The following DTHD1 variants were observed in gnomAD, a reference collection of about 807,000 sequenced individuals.
DTHD1 encodes the protein death domain-containing protein 1.
In DTHD1, 59 loss-of-function variants were observed where a neutral mutation model predicts 74.8. The observed-to-expected ratio is 0.79, with a 90% CI of 0.64 to 0.98. DTHD1 has a LOEUF of 0.98. Ranked by LOEUF, DTHD1 falls within the 50% of genes least tolerant of loss-of-function variation. DTHD1 has a pLI of 0.00. For synonymous variants in DTHD1, 365 were observed against 371.1 expected, an observed-to-expected ratio of 0.98 and a Z score of 0.19; for missense variants, 1,051 against 1,065.4, an observed-to-expected ratio of 0.99 and a Z score of 0.19.
intron 3 of DTHD1, among the ~76,000 whole-genome samples, chr4:36,292,755 C>T (rs926972029): frequency 2.6e-4 from 40 of 152,192 alleles, no homozygotes; most frequent in African/African-American, 9.2e-4. Flanking sequence ...TCCACGCATG[C>T]TGGGGCAGAG....
At chr4:36,339,075 C>A in intron 8 of DTHD1, 37 bp from the exon 9 acceptor site, 2 of 1,493,342 alleles carry the variant, frequency 1.3e-6, no homozygotes, top group South Asian at 2.5e-5. Context: ...AAATTAATTA[C>A]TTCTTCTGTT....
In DTHD1 at chr4:36,316,251, A is replaced by C; in HGVS notation, c.2105A>C (p.Lys702Thr). 1 of 1,549,864 alleles carries C rather than the reference A, an allele frequency of 6.5e-7. No individual in the cohort carries two copies. Among genetic ancestry groups the C allele is most frequent in the Non-Finnish European group, 8.7e-7 (1 of 1,146,592 alleles). Reference protein sequence around the residue: ...TGNIFASSNGKDYGKDYTLIF... With the variant: ...TGNIFASSNGTDYGKDYTLIF... Reference sequence around the variant, plus strand: ...TTTTACTTCTATTTAGGCAACGGGAAGGATTATGGAAAAGACTACACACTT... The same window carrying C: ...TTTTACTTCTATTTAGGCAACGGGACGGATTATGGAAAAGACTACACACTT... Residue 702 changes from lysine to threonine, a missense_variant, in exon 8 of 10, where the codon AAG (lysine) becomes ACG (threonine). Coordinates refer to ENST00000639862, the MANE Select transcript of DTHD1 (RefSeq NM_001170700.3).
intron 2 of DTHD1, among the ~76,000 whole-genome samples, chr4:36,289,801 G>A (rs1480846225): frequency 2.6e-5 from 4 of 151,820 alleles, no homozygotes; most frequent in Admixed American, 2.0e-4. Context: ...TTTTTTTGGG[G>A]ATTATAAGTA....
At chr4:36,332,046 C>T (rs1325631061) in intron 8 of DTHD1, among the ~76,000 whole-genome samples, 1 of 151,996 alleles carries the variant, frequency 6.6e-6, no homozygotes, top group African/African-American at 2.4e-5. Flanking sequence ...CTTTGGGAGG[C>T]CAAGATGGGC....
chr4:36,333,360 T>C (rs1758807369), intron 8 of DTHD1: 4 of 152,156 alleles, frequency 2.6e-5, no homozygotes, highest in Non-Finnish European at 4.4e-5. Flanking sequence ...AAAAAAGTTT[T>C]AATTAAAAAA....
intron 4 of DTHD1, among the ~76,000 whole-genome samples, chr4:36,294,288 A>G (rs1756260340): frequency 6.6e-6 from 1 of 151,910 alleles, no homozygotes; most frequent in Non-Finnish European, 1.5e-5. Context: ...CCAGTTGTTA[A>G]TGTAAGTGGT....
chr4:36,300,550 T>C (rs1270249308), intron 5 of DTHD1, among the ~76,000 whole-genome samples: 2 of 152,190 alleles, frequency 1.3e-5, no homozygotes, highest in Non-Finnish European at 2.9e-5. Flanking sequence ...AGAATTTGTA[T>C]CAAAAAATTC....
In DTHD1 at chr4:36,293,528, G is replaced by C; in HGVS notation, c.1221G>C (p.Gly407=). 6.5e-7 allele frequency: 1 copy of C among 1,536,810 alleles called. No individual in the cohort carries two copies. Among genetic ancestry groups the C allele is most frequent in the Non-Finnish European group, 8.8e-7 (1 of 1,137,518 alleles). The change falls in exon 4 of 10, where the codon GGG becomes GGC. Residue 407 remains glycine, a splice_region_variant and synonymous_variant. Coordinates refer to ENST00000639862, the MANE Select transcript of DTHD1 (RefSeq NM_001170700.3). ...TTAATGTTCTTTATTCTATACAGGG[G>C]ACCTGTGCTTCAGTAAAAGTTTACA... ...SLEGMKGGYK[G]TCASVKVYKL... is the part of the protein sequence containing the mutation.
chr4:36,283,620 T>C (rs1755523834), intron 1 of DTHD1, among the ~76,000 whole-genome samples: 1 of 152,140 alleles, frequency 6.6e-6, no homozygotes, highest in Admixed American at 6.5e-5. Context: ...AAAAGAAGAG[T>C]TCTCAAAATC....
chr4:36,282,270 T>A (rs576695247), intron 1 of DTHD1, among the ~76,000 whole-genome samples: 162 of 152,250 alleles, frequency 1.1e-3, no homozygotes, highest in Admixed American at 5.4e-3. Context: ...TTAAATCCCA[T>A]CTGTAGGGTG....
At chr4:36,311,208 T>C (rs1560802297) in intron 7 of DTHD1, 1 of 151,948 alleles carries the variant, frequency 6.6e-6, no homozygotes, top group East Asian at 1.9e-4. Flanking sequence ...TGGGGAAGAG[T>C]TCATCTTCAT....
At chr4:36,342,675 A>G (rs79158500) in intron 9 of DTHD1, among the ~76,000 whole-genome samples, 1,778 of 151,884 alleles carry the variant, frequency 0.012, 27 homozygotes, top group African/African-American at 0.041. Context: ...GAGTGTGTGT[A>G]TAGTTAGGGA....
Position 36,290,709 on chromosome 4 carries a change from T to C in DTHD1, c.1218+6T>C. The C allele has an allele frequency of 6.5e-7, 1 of 1,529,280 alleles. No individual in the cohort carries two copies. Among genetic ancestry groups the C allele is most frequent in the Non-Finnish European group, 8.8e-7 (1 of 1,141,426 alleles). The allele number at this position is 1,529,280 out of a possible 1,614,324, so 94.7% of individuals were successfully genotyped here. ...GAATGAAGGGAGGTTATAAGGTTAG[T>C]AAATTCTTGGCTATATCTACATTTG... is the stretch of plus-strand genomic sequence containing the variant. On this transcript the variant is annotated splice_donor_region_variant and intron_variant, in intron 3 of 9. Transcript: ENST00000639862.
intron 9 of DTHD1, 44 bp downstream of exon 9, chr4:36,339,213 C>T (rs1396178140): frequency 2.2e-6 from 3 of 1,348,546 alleles, no homozygotes; most frequent in Non-Finnish European, 3.1e-6. Context: ...CTTCCCCACC[C>T]CCTTATATGT....
chr4:36,337,888 G>C (rs772217414), intron 8 of DTHD1, among the ~76,000 whole-genome samples: 3 of 152,156 alleles, frequency 2.0e-5, no homozygotes, highest in Non-Finnish European at 2.9e-5. Context: ...AGTAATTATA[G>C]ATTCACAAGA....
intron 8 of DTHD1, among the ~76,000 whole-genome samples, chr4:36,317,160 A>AT (rs931878469): frequency 3.9e-5 from 6 of 152,274 alleles, no homozygotes; most frequent in African/African-American, 4.8e-5. Flanking sequence ...CCACATTTAT[A>AT]TTTTTTGTCT....
chr4:36,290,351 G>T (rs1415773309), intron 2 of DTHD1, 22 bp from the exon 3 acceptor site: 1 of 1,523,402 alleles, frequency 6.6e-7, no homozygotes, highest in South Asian at 1.2e-5. Context: ...TTGGAAAAAT[G>T]ACATTCTTTT....
intron 5 of DTHD1, among the ~76,000 whole-genome samples, chr4:36,297,966 T>G (rs1280513073): frequency 6.6e-6 from 1 of 151,734 alleles, no homozygotes; most frequent in Non-Finnish European, 1.5e-5. Context: ...TTATGTGACA[T>G]TTTGTCCAGA....
intron 8 of DTHD1, among the ~76,000 whole-genome samples, chr4:36,338,220 T>C (rs1184033565): frequency 6.6e-6 from 1 of 152,186 alleles, no homozygotes; most frequent in Non-Finnish European, 1.5e-5. Context: ...TCAGAATACA[T>C]AACCTTTTGA....
Sources: allele counts gnomAD v4.1 joint callset (sites outside exome capture counted in the v4.1 genomes callset), GRCh38; gene constraint gnomAD v4.1.1; transcripts MANE v1.5; gene names NCBI Gene and HGNC (gene_info 2026-07-23, HGNC 2026-07-21).